ALOX15: variants seen among roughly 807,000 people sequenced by gnomAD.
ALOX15 encodes the protein arachidonate 15-lipoxygenase, also known as polyunsaturated fatty acid lipoxygenase ALOX15.
ALOX15 carries 68 observed loss-of-function variants against 71.7 expected under a neutral mutation model. That is an observed-to-expected ratio of 0.95 (90% CI 0.78 to 1.16). ALOX15 has a LOEUF of 1.16. ALOX15 is among the 50% of genes most tolerant of loss of function. The probability of loss-of-function intolerance (pLI) is 0.00; values close to 1 mark genes in which losing one functional copy is unlikely to be tolerated. For synonymous variants in ALOX15, 346 were observed against 333.3 expected (o/e 1.04, Z -0.42); for missense variants, 798 against 818.8 (o/e 0.97, Z 0.31).
chr17:4,638,678 G>C lies in ALOX15; in HGVS notation c.549C>G (p.Ala183=). ...TTAGAGAGTCTTTGATAGCGAGGTC[G>C]GCCAGCCTTCAGGGCAGGATGGGGC... is the stretch of plus-strand genomic sequence containing the variant. ...DFEVSLAKGL[A]DLAIKDSLNV... The change falls in exon 5 of 14, where the codon GCC becomes GCG. Residue 183 remains alanine (A), a synonymous_variant. Transcript: ENST00000293761. 1 of 1,614,112 alleles carries C rather than the reference G, an allele frequency of 6.2e-7. No homozygotes were observed. The highest frequency in any genetic ancestry group is 8.5e-7 in the Non-Finnish European group (1 of 1,180,020).
chr17:4,641,666 T>A lies in ALOX15; in HGVS notation c.-15A>T, dbSNP rs1263212626. ...TAGAGACCCATCTTGCTCAAAGATGTTTCGCTCCTTCTGGTGGAGAAGGGT... is the reference window on the plus strand; with the variant it reads ...TAGAGACCCATCTTGCTCAAAGATGATTCGCTCCTTCTGGTGGAGAAGGGT... On this transcript the variant is annotated 5_prime_UTR_variant, in exon 1 of 14. Transcript: ENST00000293761. 1 of 1,546,924 alleles carries A rather than the reference T, an allele frequency of 6.5e-7. No individual in the cohort carries two copies. Among genetic ancestry groups the A allele is most frequent in the South Asian group, 1.1e-5 (1 of 88,196 alleles).
intron 6 of ALOX15, 150 bp from the exon 7 acceptor site, chr17:4,637,408 A>AT (rs76563019): frequency 0.022 from 17,724 of 798,700 alleles, no homozygotes; most frequent in South Asian, 0.027. Context: ...TCCTCATATC[A>AT]TTTTTTTTTT....
chr17:4,634,017 C>T (rs1911006302), intron 8 of ALOX15, among the ~76,000 whole-genome samples: 1 of 152,052 alleles, frequency 6.6e-6, no homozygotes, highest in Non-Finnish European at 1.5e-5. Context: ...ACAACAGACA[C>T]CAGCATCTAC....
Position 4,635,741 on chromosome 17 carries a change from AAGGGGATAAG to A in ALOX15, c.1161+8_1161+17del, listed in dbSNP as rs1426288436. 3 of 1,613,346 alleles carry A rather than the reference AAGGGGATAAG, an allele frequency of 1.9e-6. No homozygotes were observed. In the South Asian group the frequency reaches 3.3e-5, roughly 18 times the overall value. On this transcript the variant is annotated splice_region_variant and intron_variant, in intron 8 of 13. Transcript: ENST00000293761. ...GCAGAGATAGTGGCAGGCAAGAGAG[AAGGGGATAAG>A]GAGTTACCTTGAAGATAGGATGTAT...
intron 8 of ALOX15, among the ~76,000 whole-genome samples, chr17:4,634,090 T>G (rs911236200): frequency 6.6e-6 from 1 of 152,298 alleles, no homozygotes; most frequent in Admixed American, 6.5e-5. Context: ...ACCATGCTTA[T>G]TACCTGGTGA....
At chr17:4,636,021 G>T (rs369695864) in intron 7 of ALOX15, 53 bp from the exon 8 acceptor site, 1 of 1,559,478 alleles carries the variant, frequency 6.4e-7, no homozygotes, top group Non-Finnish European at 8.8e-7. Context: ...GGCACTCAGC[G>T]ATTCCCGCCC....
chr17:4,634,602 T>A (rs1325675700), intron 8 of ALOX15, among the ~76,000 whole-genome samples: 1 of 152,126 alleles, frequency 6.6e-6, no homozygotes, highest in Non-Finnish European at 1.5e-5. Flanking sequence ...TAATGCTACA[T>A]ATATACTGTA....
At chr17:4,637,005 C>T (rs1911121238) in intron 7 of ALOX15, 110 bp downstream of exon 7, 2 of 1,344,100 alleles carry the variant, frequency 1.5e-6, no homozygotes, top group Non-Finnish European at 1.0e-6. Context: ...TTCGCGTCTC[C>T]CAGGTGCCTT....
chr17:4,641,430 G>A (rs1231154639), intron 1 of ALOX15, 87 bp downstream of exon 1: 4 of 1,532,750 alleles, frequency 2.6e-6, no homozygotes, highest in Non-Finnish European at 3.5e-6. Flanking sequence ...ATCGGCCAGA[G>A]GCCAACGGGG....
At chr17:4,639,002 G>A (rs1335136323) in intron 3 of ALOX15, 30 bp from the exon 4 acceptor site, 8 of 1,614,206 alleles carry the variant, frequency 5.0e-6, no homozygotes, top group Non-Finnish European at 6.8e-6. Context: ...TCAAGTATGG[G>A]TGCTGGAAGC....
rs577486844 is a variant in ALOX15 at position 4,638,079 on chromosome 17, C to T, written c.807+138G>A. 144 of 618,598 alleles carry T rather than the reference C, an allele frequency of 2.3e-4. No homozygotes were observed. In the African/African-American group the frequency reaches 2.5e-3, roughly 11 times the overall value. 38.3% of individuals were successfully genotyped at this position (618,598 alleles called of 1,614,324 possible). ...CCGAGCAGCTGAGCTTCTCCAGGGT[C>T]CCTCAGGACCTCTCCTGCAGAATCC... is the stretch of plus-strand genomic sequence containing the variant. On this transcript the variant is annotated intron_variant, in intron 6 of 13. Transcript: ENST00000293761.
At chr17:4,633,569 C>A in intron 8 of ALOX15, 69 bp from the exon 9 acceptor site, 1 of 1,360,804 alleles carries the variant, frequency 7.3e-7, no homozygotes, top group Non-Finnish European at 1.0e-6. Context: ...GAAACAAGGG[C>A]TGACAGCAGG....
In ALOX15 at chr17:4,633,305, G is replaced by C; in HGVS notation, c.1259C>G (p.Thr420Ser). Residue 420 changes from threonine (T) to serine (S), a missense_variant, in exon 10 of 14, where the codon ACT becomes AGT. By Grantham distance (58) the Thr-to-Ser change is moderately conservative (BLOSUM62 1). Coordinates refer to ENST00000293761, the MANE Select transcript of ALOX15 (RefSeq NM_001140.5). The part of the protein sequence containing the change: ...DMGIFDQIMS[T>S]GGGGHVQLLK... ...CAGCTGCACGTGGCCTCCCCCACCA[G>C]TGCTCATTATCTGAGAAGTGAGGGT... is the stretch of plus-strand genomic sequence containing the variant. 6.2e-7 allele frequency: 1 copy of C among 1,613,746 alleles called. No homozygotes were observed.
Position 4,634,447 on chromosome 17 carries a change from C to T in ALOX15, c.1162-947G>A, listed in dbSNP as rs549089510. Among the ~76,000 whole-genome samples the T allele has an allele frequency of 4.6e-5, 7 of 151,788 alleles. No individual in the cohort carries two copies. The South Asian group carries it at 8.4e-4, about 18-fold the overall frequency. On this transcript the variant is annotated intron_variant, in intron 8 of 13. Coordinates refer to ENST00000293761, the MANE Select transcript of ALOX15 (RefSeq NM_001140.5). The stretch of plus-strand genomic sequence containing the variant: ...CCTCCCGAGTAGCTGGGATTACAGG[C>T]GTGAACCACCGTGCCTGGCCTCCTT...
chr17:4,631,491 G>A lies in ALOX15; in HGVS notation c.*109C>T, dbSNP rs1005433143. Reference sequence around the variant, plus strand: ...CATGAAAAGGTGCCCCTCTAGGGAGGGTGGGACATGGGAAGAGGGTGGGAC... The same window carrying A: ...CATGAAAAGGTGCCCCTCTAGGGAGAGTGGGACATGGGAAGAGGGTGGGAC... On this transcript the variant is annotated 3_prime_UTR_variant, in exon 14 of 14. Coordinates refer to ENST00000293761, the MANE Select transcript of ALOX15 (RefSeq NM_001140.5). 7.3e-7 allele frequency: 1 copy of A among 1,364,434 alleles called. No homozygotes were observed. The highest frequency in any genetic ancestry group is 2.4e-5 in the East Asian group (1 of 41,066). The allele number at this position is 1,364,434 out of a possible 1,614,324, so 84.5% of individuals were successfully genotyped here. A position where few individuals can be genotyped will look rare whatever the true frequency, so the allele number is the denominator to read the frequency against.
At chr17:4,640,702 A>C (rs915237893) in intron 1 of ALOX15, among the ~76,000 whole-genome samples, 1 of 150,710 alleles carries the variant, frequency 6.6e-6, no homozygotes, top group African/African-American at 2.4e-5. Context: ...TGCGGGGAGC[A>C]GGGCTCCGCA....
chr17:4,632,377 C>A, intron 11 of ALOX15, 96 bp from the exon 12 acceptor site: 1 of 997,720 alleles, frequency 1.0e-6, no homozygotes, highest in East Asian at 2.5e-5. Flanking sequence ...CGAGAAAGAG[C>A]GGCAGGAATG....
At position 4,633,205 on chromosome 17, in the gene ALOX15, C is replaced by A. The variant is rs368892237; in HGVS notation, c.1359G>T (p.Leu453=). The A allele has an allele frequency of 6.8e-6, 11 of 1,614,064 alleles. No individual in the cohort carries two copies. The highest frequency in any genetic ancestry group is 4.0e-5 in the African/African-American group (3 of 74,920). ...PPDDLADRGL[L]GVKSSFYAQD... ...GGGCATAGAAGGAAGACTTCACTCC[C>A]AGGAGCCCCCGGTCGGCCAAGTCAT... The change falls in exon 10 of 14, where the codon CTG becomes CTT. Residue 453 remains leucine (L), a synonymous_variant. Transcript: ENST00000293761.
At chr17:4,636,479 CCTT>C (rs1247024612) in intron 7 of ALOX15, among the ~76,000 whole-genome samples, 1 of 152,162 alleles carries the variant, frequency 6.6e-6, no homozygotes, top group Non-Finnish European at 1.5e-5. Context: ...TTTCCCCTCT[CCTT>C]GATCTCCCTC....
Sources: gnomAD v4.1 joint callset for allele counts (sites outside exome capture counted in the v4.1 genomes callset) on GRCh38, gnomAD v4.1.1 for gene constraint, MANE v1.5 for transcripts, NCBI Gene and HGNC (gene_info 2026-07-23, HGNC 2026-07-21) for gene names.